Variants in MAPK10 observed in about 807,000 individuals in gnomAD.
MAPK10 encodes mitogen-activated protein kinase 10, also known as JNK3 alpha protein kinase.
MAPK10 carries 25 observed loss-of-function variants against 59.3 expected under a neutral mutation model. The ratio of observed to expected loss-of-function variants is 0.42; its 90% CI spans 0.31 to 0.59. The LOEUF is 0.59. Ranked by LOEUF, MAPK10 falls within the 20% of genes least tolerant of loss-of-function variation. The pLI is 0.15. For missense variants in MAPK10, 351 were observed against 568.9 expected, an observed-to-expected ratio of 0.62 and a Z score of 3.90; for synonymous variants, 190 against 200.5, an observed-to-expected ratio of 0.95 and a Z score of 0.44.
intron 1 of MAPK10, among the ~76,000 whole-genome samples, chr4:86,493,410 C>G (rs17418801): frequency 0.22 from 33,295 of 152,154 alleles, 4,547 homozygotes; most frequent in Admixed American, 0.3. Context: ...TTTAAAAGGT[C>G]TCTCGTATAT....
chr4:86,489,109 A>T (rs955620790), intron 1 of MAPK10, among the ~76,000 whole-genome samples: 1 of 152,162 alleles, frequency 6.6e-6, no homozygotes, highest in African/African-American at 2.4e-5. Flanking sequence ...GCCATACAGG[A>T]CCAGCCAACC....
chr4:86,256,860 C>G (rs1048080420), intron 2 of MAPK10, among the ~76,000 whole-genome samples: 1 of 151,298 alleles, frequency 6.6e-6, no homozygotes, highest in Non-Finnish European at 1.5e-5. Flanking sequence ...CCTGCTTCAG[C>G]CTCCCGAGTA....
intron 1 of MAPK10, among the ~76,000 whole-genome samples, chr4:86,372,548 GAAAGAAAGAAAGAAAGAAA>G (rs1738957444): frequency 5.5e-5 from 1 of 18,080 alleles, no homozygotes; most frequent in Admixed American, 9.1e-4. Context: ...AAGAAAGAAA[GAAAGAAAGAAAGAAAGAAA>G]GAAAAGAAAA....
intron 2 of MAPK10, among the ~76,000 whole-genome samples, chr4:86,315,266 G>T (rs1281272913): frequency 1.3e-5 from 2 of 151,962 alleles, no homozygotes; most frequent in Non-Finnish European, 2.9e-5. Flanking sequence ...GGGATGCGGG[G>T]CATGGAGGGG....
At chr4:86,381,648 C>T (rs1312901885) in intron 1 of MAPK10, among the ~76,000 whole-genome samples, 2 of 152,230 alleles carry the variant, frequency 1.3e-5, no homozygotes, top group African/African-American at 2.4e-5. Flanking sequence ...TCTCTCTCCC[C>T]TGGCTCCGCT....
intron 1 of MAPK10, chr4:86,384,076 G>C (rs1444634793): frequency 2.0e-5 from 3 of 152,100 alleles, no homozygotes; most frequent in Non-Finnish European, 2.9e-5. Flanking sequence ...ACAAGTGTTG[G>C]AGAAACATAA....
chr4:86,072,092 TGAA>T (rs1466190907), intron 9 of MAPK10, among the ~76,000 whole-genome samples: 1 of 150,102 alleles, frequency 6.7e-6, no homozygotes. Context: ...TAGTTCTCCT[TGAA>T]GAGGTCCTTC....
At chr4:86,443,414 C>T (rs897023507) in intron 1 of MAPK10, among the ~76,000 whole-genome samples, 10 of 151,620 alleles carry the variant, frequency 6.6e-5, no homozygotes, top group African/African-American at 2.2e-4. Flanking sequence ...GCCAAAATAT[C>T]CAACTCCCGT....
At chr4:86,481,292 A>G (rs2149070989) in intron 1 of MAPK10, among the ~76,000 whole-genome samples, 1 of 152,246 alleles carries the variant, frequency 6.6e-6, no homozygotes, top group South Asian at 2.1e-4. Context: ...AAAATCAGAG[A>G]GACCTTGCTT....
chr4:86,571,504 G>A (rs1761452611), intron 1 of MAPK10, among the ~76,000 whole-genome samples: 1 of 151,904 alleles, frequency 6.6e-6, no homozygotes, highest in Admixed American at 6.6e-5. Flanking sequence ...TAACAACAGT[G>A]AGAACTGTCA....
chr4:86,442,851 T>G lies in MAPK10; in HGVS notation c.-122+10179A>C, dbSNP rs765181883. 3.2e-4 allele frequency among the ~76,000 whole-genome samples: 49 copies of G among 152,170 alleles called. 1 individual carries two copies. Among genetic ancestry groups the G allele is most frequent in the Admixed American group, 1.3e-3 (20 of 15,272 alleles). On this transcript the variant is annotated intron_variant, in intron 1 of 13. Transcript: ENST00000361569. ...AGATTTTTCAATATTTTAATAAAAA[T>G]AACGCCACTGAGCCGAACTCCATTT...
intron 1 of MAPK10, among the ~76,000 whole-genome samples, chr4:86,525,632 G>A (rs762957544): frequency 6.6e-6 from 1 of 152,124 alleles, no homozygotes; most frequent in Non-Finnish European, 1.5e-5. Context: ...TGAGTATAAA[G>A]GTTGTACAAT....
At chr4:86,423,551 T>A (rs1197868126) in intron 1 of MAPK10, among the ~76,000 whole-genome samples, 1 of 152,022 alleles carries the variant, frequency 6.6e-6, no homozygotes, top group East Asian at 1.9e-4. Context: ...AGCTGGTAAG[T>A]TACAGAAGAA....
chr4:86,460,581 A>G (rs1751640887), intron 1 of MAPK10, among the ~76,000 whole-genome samples: 1 of 152,224 alleles, frequency 6.6e-6, no homozygotes, highest in Admixed American at 6.5e-5. Flanking sequence ...GGCCATAAAC[A>G]AAATATCTGC....
At chr4:86,427,073 C>T (rs1290151224) in intron 1 of MAPK10, among the ~76,000 whole-genome samples, 1 of 151,540 alleles carries the variant, frequency 6.6e-6, no homozygotes, top group African/African-American at 2.4e-5. Flanking sequence ...CTGGTTAACG[C>T]GGTGAAACCC....
At chr4:86,533,354 T>G (rs1256888803) in intron 1 of MAPK10, among the ~76,000 whole-genome samples, 2 of 152,208 alleles carry the variant, frequency 1.3e-5, no homozygotes. Flanking sequence ...ACAATGTGAA[T>G]GTACTAAGTG....
chr4:86,457,625 A>G (rs1456043870), upstream of MAPK10, among the ~76,000 whole-genome samples: 1 of 152,206 alleles, frequency 6.6e-6, no homozygotes, highest in Non-Finnish European at 1.5e-5. Context: ...CTCTACAAAG[A>G]AAACTACAAA....
At chr4:86,470,738 G>A (rs1752587677) in intron 1 of MAPK10, among the ~76,000 whole-genome samples, 1 of 150,048 alleles carries the variant, frequency 6.7e-6, no homozygotes, top group Non-Finnish European at 1.5e-5. Context: ...TGAATGTTAG[G>A]TGAATGTATT....
intron 3 of MAPK10, among the ~76,000 whole-genome samples, chr4:86,166,187 A>G (rs1210607906): frequency 6.6e-6 from 1 of 152,214 alleles, no homozygotes; most frequent in East Asian, 1.9e-4. Context: ...TTAGCATTCT[A>G]TTTTCAACAA....
Sources: allele counts gnomAD v4.1 joint callset (sites outside exome capture counted in the v4.1 genomes callset), GRCh38; gene constraint gnomAD v4.1.1; transcripts MANE v1.5; gene names NCBI Gene and HGNC (gene_info 2026-07-23, HGNC 2026-07-21).